PGLYRP4: variants seen among roughly 807,000 people sequenced by gnomAD.
PGLYRP4 encodes the protein PGRP-I-beta.
PGLYRP4 carries 39 observed loss-of-function variants against 41.2 expected under a neutral mutation model. The ratio of observed to expected loss-of-function variants is 0.95; its 90% confidence interval spans 0.73 to 1.24. The LOEUF is 1.24. Ranked by LOEUF, PGLYRP4 falls within the 50% of genes most tolerant of loss-of-function variation. PGLYRP4 has a pLI of 0.00. For missense variants in PGLYRP4, 467 were observed against 460.7 expected (o/e 1.01, Z -0.13); for synonymous variants, 202 against 186.8 (o/e 1.08, Z -0.66).
intron 4 of PGLYRP4, 29 bp downstream of exon 4, chr1:153,345,140 G>T: frequency 6.4e-7 from 1 of 1,558,348 alleles, no homozygotes; most frequent in Non-Finnish European, 8.8e-7. Context: ...CACTGACCAT[G>T]TGCCGTGGGA....
rs373930876 is a variant in PGLYRP4 at position 153,330,829 on chromosome 1, T to C, written c.1060A>G (p.Thr354Ala). The C allele has an allele frequency of 9.7e-5, 157 of 1,613,854 alleles. 1 individual carries two copies. The South Asian group carries it at 1.7e-3, about 17-fold the overall frequency. The change falls in exon 9 of 9, where the codon ACC becomes GCC. Residue 354 changes from threonine (T) to alanine (A), a missense_variant. Thr to Ala is a moderately conservative substitution (Grantham distance 58). Transcript: ENST00000359650. ...LLVGHSDVARTLSPGQALYNI... is the reference protein window; with the variant it reads ...LLVGHSDVARALSPGQALYNI... The stretch of plus-strand genomic sequence containing the variant: ...TACAAAGCCTGCCCAGGAGACAAGG[T>C]TCGGGCCACATCACTGTGGCCCACC...
At chr1:153,348,467 G>C (rs1661108484) in intron 1 of PGLYRP4, 61 bp downstream of exon 1, 1 of 153,322 alleles carries the variant, frequency 6.5e-6, no homozygotes, top group Non-Finnish European at 1.5e-5. Context: ...ACTCTTTCTG[G>C]TGGATTCCAG....
chr1:153,341,800 G>A (rs1488507689), intron 5 of PGLYRP4, 21 bp from the exon 6 acceptor site: 1 of 1,601,476 alleles, frequency 6.2e-7, no homozygotes, highest in Non-Finnish European at 8.5e-7. Flanking sequence ...GAAATCTGTG[G>A]GAAACCTCCA....
intron 7 of PGLYRP4, among the ~76,000 whole-genome samples, chr1:153,337,500 G>A (rs1230670988): frequency 3.3e-5 from 5 of 152,234 alleles, no homozygotes; most frequent in South Asian, 4.1e-4. Flanking sequence ...GGGAGGCAGG[G>A]TAGGGAGAGG....
intron 8 of PGLYRP4, chr1:153,331,641 A>G (rs1190469406): frequency 1.4e-5 from 2 of 141,354 alleles, no homozygotes; most frequent in Non-Finnish European, 3.2e-5. Context: ...TTGGTAGGAC[A>G]TACATTAAAA....
chr1:153,344,874 ATGAGGAAGTCGTTTGCAATCT>A (rs1263381985), intron 4 of PGLYRP4, among the ~76,000 whole-genome samples: 1 of 152,112 alleles, frequency 6.6e-6, no homozygotes, highest in Non-Finnish European at 1.5e-5. Context: ...GCCCTCATGT[ATGAGGAAGTCGTTTGCAATCT>A]GTAGTGTGCT....
At chr1:153,347,097 C>T (rs1043216805) in intron 2 of PGLYRP4, among the ~76,000 whole-genome samples, 85 of 152,008 alleles carry the variant, frequency 5.6e-4, no homozygotes, top group African/African-American at 1.9e-3. Flanking sequence ...TTGTTTGAGA[C>T]GGACTCTCAC....
In PGLYRP4 at chr1:153,341,758, G is replaced by A. The variant is rs747788162; in HGVS notation, c.494C>T (p.Ala165Val). ...TKKGHSPSPA[A>V]LSAMENLITY... is the part of the protein sequence containing the mutation. ...GATTAGGTTTTCCATGGCCGACAGG[G>A]CAGCAGGGCTGGGACTGTGGCCTAG... is the stretch of plus-strand genomic sequence containing the variant. The change falls in exon 6 of 9, where the codon GCC (alanine) becomes GTC (valine). Residue 165 changes from alanine (A) to valine (V), a missense_variant. Physicochemically the swap from Ala to Val is moderately conservative, Grantham distance 64 (BLOSUM62 0). Coordinates refer to ENST00000359650, the MANE Select transcript of PGLYRP4 (RefSeq NM_020393.4). 3 of 1,613,902 alleles carry A rather than the reference G, an allele frequency of 1.9e-6. No homozygotes were observed. Among genetic ancestry groups the A allele is most frequent in the East Asian group, 2.2e-5 (1 of 44,886 alleles).
At chr1:153,332,570 G>A (rs978992433) in intron 8 of PGLYRP4, among the ~76,000 whole-genome samples, 1 of 152,128 alleles carries the variant, frequency 6.6e-6, no homozygotes, top group Non-Finnish European at 1.5e-5. Context: ...AACAATGTTA[G>A]AATATATATT....
At chr1:153,347,692 G>C (rs910158075) in intron 2 of PGLYRP4, among the ~76,000 whole-genome samples, 192 bp downstream of exon 2, 1 of 151,096 alleles carries the variant, frequency 6.6e-6, no homozygotes, top group Non-Finnish European at 1.5e-5. Flanking sequence ...AGTTTTTTTT[G>C]TTGTTGTTTG....
At chr1:153,336,369 C>CAAAAAAAAAAAAAAAAA (rs58665160) in intron 8 of PGLYRP4, among the ~76,000 whole-genome samples, 2 of 76,500 alleles carry the variant, frequency 2.6e-5, no homozygotes, top group Non-Finnish European at 4.5e-5. Flanking sequence ...GACTCCATCT[C>CAAAAAAAAAAAAAAAAA]AAAAAAAAAA....
intron 8 of PGLYRP4, among the ~76,000 whole-genome samples, chr1:153,334,305 CATATAGATAG>C (rs1393212554): frequency 6.6e-6 from 1 of 150,888 alleles, no homozygotes; most frequent in Non-Finnish European, 1.5e-5. Context: ...ACAATAGCTA[CATATAGATAG>C]ATATAGATAG....
chr1:153,332,096 A>G (rs1488678995), intron 8 of PGLYRP4, among the ~76,000 whole-genome samples: 1 of 152,212 alleles, frequency 6.6e-6, no homozygotes, highest in African/African-American at 2.4e-5. Context: ...ATAAATTTAC[A>G]GACTCAAAAT....
chr1:153,337,629 C>T (rs1401202513), intron 7 of PGLYRP4, among the ~76,000 whole-genome samples: 1 of 152,214 alleles, frequency 6.6e-6, no homozygotes, highest in Admixed American at 6.5e-5. Flanking sequence ...TAACAATCAG[C>T]TCTCATGAGC....
intron 7 of PGLYRP4, among the ~76,000 whole-genome samples, chr1:153,337,679 C>G (rs1328781670): frequency 6.6e-6 from 1 of 152,170 alleles, no homozygotes; most frequent in Non-Finnish European, 1.5e-5. Context: ...CACTGCGGCC[C>G]CCAGGTAGCT....
Position 153,346,206 on chromosome 1 carries a change from C to G in PGLYRP4, c.50-15G>C. The G allele has an allele frequency of 6.3e-7, 1 of 1,599,448 alleles. No homozygotes were observed. Among genetic ancestry groups the G allele is most frequent in the Non-Finnish European group, 8.6e-7 (1 of 1,166,580 alleles). ...GGAGGAATCACCTGCAAAGGAATAT[C>G]CCATTTTGCATCAGAGAGCACCAAT... On this transcript the variant is annotated splice_polypyrimidine_tract_variant and intron_variant, in intron 2 of 8. Coordinates refer to ENST00000359650, the MANE Select transcript of PGLYRP4 (RefSeq NM_020393.4).
chr1:153,342,230 C>T (rs780609548), intron 5 of PGLYRP4, among the ~76,000 whole-genome samples: 8 of 152,166 alleles, frequency 5.3e-5, no homozygotes, highest in Non-Finnish European at 7.3e-5. Context: ...TGCTCAAGAT[C>T]CCAAGCTAAC....
At chr1:153,336,654 G>T (rs1258659309) in intron 8 of PGLYRP4, among the ~76,000 whole-genome samples, 1 of 151,962 alleles carries the variant, frequency 6.6e-6, no homozygotes, top group Non-Finnish European at 1.5e-5. Flanking sequence ...CAGGTGATGG[G>T]TACACTGAAA....
At chr1:153,347,683 G>T (rs2916207) in intron 2 of PGLYRP4, among the ~76,000 whole-genome samples, 1 of 152,072 alleles carries the variant, frequency 6.6e-6, no homozygotes, top group East Asian at 1.9e-4. Context: ...AGAGAGAGTA[G>T]TTTTTTTTGT....
Sources: gnomAD v4.1 joint callset for allele counts (sites outside exome capture counted in the v4.1 genomes callset) on GRCh38, gnomAD v4.1.1 for gene constraint, MANE v1.5 for transcripts, NCBI Gene and HGNC (gene_info 2026-07-23, HGNC 2026-07-21) for gene names.